CEACAM21: variants seen among roughly 807,000 people sequenced by gnomAD.
CEACAM21 encodes the protein CEA cell adhesion molecule 21, also known as cell adhesion molecule CEACAM21.
In CEACAM21, 38 loss-of-function variants were observed where a neutral mutation model predicts 33.2. That is an observed-to-expected ratio of 1.14 (90% CI 0.88 to 1.50). The LOEUF (loss-of-function observed/expected upper bound fraction) is 1.50, where lower values mean the gene tolerates loss of function less well. CEACAM21 is among the 40% of genes most tolerant of loss of function. The pLI, the probability that CEACAM21 is intolerant of heterozygous loss-of-function variation, is 0.00. For missense variants in CEACAM21, 385 were observed against 364.6 expected (o/e 1.06, Z -0.46); for synonymous variants, 156 against 143.0 (o/e 1.09, Z -0.65).
Position 41,579,317 on chromosome 19 carries a change from C to A in CEACAM21, c.425-36C>A, listed in dbSNP as rs782535056. Reference sequence around the variant, plus strand: ...TGAGATCTCTGAGGATGCAGCATGGCCCCAAGACACTTTCTGTTGGTCACT... The same window carrying A: ...TGAGATCTCTGAGGATGCAGCATGGACCCAAGACACTTTCTGTTGGTCACT... On this transcript the variant is annotated intron_variant, in intron 2 of 6. Transcript: ENST00000401445. 5.0e-6 allele frequency: 8 copies of A among 1,613,862 alleles called. No individual in the cohort carries two copies. In the Admixed American group the frequency reaches 5.0e-5, roughly 10 times the overall value.
chr19:41,585,531 T>C, intron 5 of CEACAM21, 36 bp downstream of exon 5: 2 of 1,609,692 alleles, frequency 1.2e-6, no homozygotes, highest in East Asian at 2.2e-5. Context: ...GGCTGGGAAC[T>C]ACTAAGCCAG....
At position 41,579,606 on chromosome 19, in the gene CEACAM21, C is replaced by A. The variant is rs201189754; in HGVS notation, c.678C>A (p.Asp226Glu). 97 of 1,564,628 alleles carry A rather than the reference C, an allele frequency of 6.2e-5. No homozygotes were observed. Among genetic ancestry groups the A allele is most frequent in the Non-Finnish European group, 7.9e-5 (91 of 1,153,414 alleles). The change falls in exon 3 of 7, where the codon GAC becomes GAA. Residue 226 changes from aspartate (D) to glutamate (E), a missense_variant. Transcript: ENST00000401445. Reference sequence around the variant, plus strand: ...ACCCAGTCAGCTCCAACAGGAGCGACCCCCTCAAGCTGACTGTAAAATGTG... The same window carrying A: ...ACCCAGTCAGCTCCAACAGGAGCGAACCCCTCAAGCTGACTGTAAAATGTG... ...VSNPVSSNRSDPLKLTVKSDD... is the reference protein window; with the variant it reads ...VSNPVSSNRSEPLKLTVKSDD...
rs75807723 is a variant in CEACAM21 at position 41,577,187 on chromosome 19, C to T, written c.65-13C>T. The T allele has an allele frequency of 1.2e-3, 1,888 of 1,613,630 alleles. 31 individuals are homozygous for T. The African/African-American group carries it at 0.024, about 20-fold the overall frequency. ...TAGGTCAAATATTGACTGATATTCTCTCCCTTTCCTAGCCTCACTTTTAAC... is the reference window on the plus strand; with the variant it reads ...TAGGTCAAATATTGACTGATATTCTTTCCCTTTCCTAGCCTCACTTTTAAC... On this transcript the variant is annotated splice_polypyrimidine_tract_variant and intron_variant, in intron 1 of 6. Transcript: ENST00000401445.
upstream of CEACAM21, among the ~76,000 whole-genome samples, chr19:41,574,310 T>A (rs114623942): frequency 4.2e-3 from 637 of 152,256 alleles, 5 homozygotes; most frequent in African/African-American, 0.01. Flanking sequence ...CAATATGACA[T>A]CAAGAGCATA....
At chr19:41,567,247 A>T (rs1248886854) in intron 2 of CEACAM21, among the ~76,000 whole-genome samples, 1 of 152,236 alleles carries the variant, frequency 6.6e-6, no homozygotes, top group Non-Finnish European at 1.5e-5. Context: ...AAGAAAAGTG[A>T]TACTGTCCTT....
intron 1 of CEACAM21, among the ~76,000 whole-genome samples, chr19:41,560,272 G>C (rs1343310834): frequency 6.6e-6 from 1 of 151,758 alleles, no homozygotes; most frequent in Non-Finnish European, 1.5e-5. Context: ...ATCCAGGCTG[G>C]AGTACAGTGG....
intron 1 of CEACAM21, among the ~76,000 whole-genome samples, chr19:41,562,552 C>A (rs1234842610): frequency 2.6e-5 from 4 of 151,980 alleles, no homozygotes; most frequent in Non-Finnish European, 4.4e-5. Flanking sequence ...CAAAAAACAC[C>A]CCAAGTGGTC....
intron 2 of CEACAM21, chr19:41,565,659 G>A (rs1321171794): frequency 1.6e-4 from 24 of 150,914 alleles, no homozygotes; most frequent in African/African-American, 5.6e-4. Flanking sequence ...TCTTTTTTAA[G>A]AAGAAAAATA....
chr19:41,554,766 A>G (rs2041437340), intron 1 of CEACAM21, among the ~76,000 whole-genome samples: 1 of 152,020 alleles, frequency 6.6e-6, no homozygotes, highest in Non-Finnish European at 1.5e-5. Context: ...TCTAAGAGAA[A>G]CCCATTGTGT....
At chr19:41,582,991 A>G (rs1302433378) in intron 3 of CEACAM21, among the ~76,000 whole-genome samples, 1 of 152,162 alleles carries the variant, frequency 6.6e-6, no homozygotes, top group African/African-American at 2.4e-5. Context: ...AATTTTCCAA[A>G]CTTTTATGCT....
At chr19:41,572,024 A>T (rs1265805306), upstream of CEACAM21, among the ~76,000 whole-genome samples, 2 of 152,144 alleles carry the variant, frequency 1.3e-5, no homozygotes, top group East Asian at 3.8e-4. Flanking sequence ...ATGTACAGGA[A>T]TAACCAGTAG....
At chr19:41,577,080 G>GACAC (rs148980547) in intron 1 of CEACAM21, 120 bp from the exon 2 acceptor site, 81 of 1,033,516 alleles carry the variant, frequency 7.8e-5, no homozygotes, top group African/African-American at 5.8e-4. Context: ...GACCCAGTAG[G>GACAC]ACACACACAC....
intron 1 of CEACAM21, chr19:41,550,166 T>C (rs1256754093): frequency 6.6e-6 from 1 of 152,240 alleles, no homozygotes; most frequent in South Asian, 2.1e-4. Flanking sequence ...GAAAACAGGA[T>C]GCATGACTGG....
chr19:41,572,078 CTA>C (rs1418306844), upstream of CEACAM21, among the ~76,000 whole-genome samples: 33 of 152,126 alleles, frequency 2.2e-4, no homozygotes, highest in African/African-American at 7.5e-4. Context: ...AAGATGATCT[CTA>C]TGTGAACAAA....
chr19:41,583,948 G>A (rs1413835683), intron 3 of CEACAM21, among the ~76,000 whole-genome samples: 1 of 152,160 alleles, frequency 6.6e-6, no homozygotes, highest in East Asian at 1.9e-4. Context: ...CATGTGGAAG[G>A]CCCCTGAAAA....
upstream of CEACAM21, among the ~76,000 whole-genome samples, chr19:41,572,905 A>G (rs1377216027): frequency 6.6e-6 from 1 of 152,110 alleles, no homozygotes; most frequent in African/African-American, 2.4e-5. Context: ...GTGGTGCAGG[A>G]CTCAGGGACC....
chr19:41,560,980 A>G (rs186901716), intron 1 of CEACAM21, among the ~76,000 whole-genome samples: 2 of 152,368 alleles, frequency 1.3e-5, no homozygotes, highest in Admixed American at 6.5e-5. Flanking sequence ...ACAAAAATAT[A>G]AAATAAAAGG....
At chr19:41,553,106 C>T (rs1311915728) in intron 1 of CEACAM21, among the ~76,000 whole-genome samples, 4 of 151,908 alleles carry the variant, frequency 2.6e-5, no homozygotes, top group Non-Finnish European at 5.9e-5. Flanking sequence ...ACATAACTTC[C>T]CTCTCTCCAG....
intron 2 of CEACAM21, among the ~76,000 whole-genome samples, chr19:41,569,050 A>G (rs1555788840): frequency 6.6e-6 from 1 of 152,182 alleles, no homozygotes; most frequent in Non-Finnish European, 1.5e-5. Flanking sequence ...TGTTTCAGCT[A>G]TCATAAAAGA....
Sources: gnomAD v4.1 joint callset for allele counts (sites outside exome capture counted in the v4.1 genomes callset) on GRCh38, gnomAD v4.1.1 for gene constraint, MANE v1.5 for transcripts, NCBI Gene and HGNC (gene_info 2026-07-23, HGNC 2026-07-21) for gene names.